SWT1: variants seen among roughly 807,000 people sequenced by gnomAD.
The protein encoded by SWT1 is transcriptional protein SWT1.
SWT1 carries 33 observed loss-of-function variants against 107.3 expected under a neutral mutation model. The observed-to-expected ratio is 0.31, with a 90% CI of 0.23 to 0.41. The LOEUF is 0.41. Ranked by LOEUF, SWT1 falls within the 10% of genes least tolerant of loss-of-function variation. SWT1 has a pLI of 1.00. For synonymous variants in SWT1, 345 were observed against 348.3 expected (o/e 0.99, Z 0.11); for missense variants, 898 against 1,028.9 (o/e 0.87, Z 1.74).
chr1:185,234,702 A>C (rs2102583479), intron 16 of SWT1, among the ~76,000 whole-genome samples: 1 of 152,278 alleles, frequency 6.6e-6, no homozygotes, highest in East Asian at 1.9e-4. Context: ...GTTTCTTCAT[A>C]GTGTCGATGG....
At chr1:185,171,615 C>T (rs1018568520) in intron 4 of SWT1, 9 of 513,886 alleles carry the variant, frequency 1.8e-5, no homozygotes, top group South Asian at 7.4e-5. Flanking sequence ...ATCCATGATC[C>T]GTCTTCTATG....
intron 10 of SWT1, among the ~76,000 whole-genome samples, chr1:185,199,943 CT>C (rs1657727036): frequency 6.6e-6 from 1 of 151,998 alleles, no homozygotes; most frequent in Non-Finnish European, 1.5e-5. Flanking sequence ...TTGTTTGTTC[CT>C]TTTTATTCTT....
At chr1:185,262,053 C>G (rs549238264) in intron 16 of SWT1, among the ~76,000 whole-genome samples, 9 of 152,038 alleles carry the variant, frequency 5.9e-5, no homozygotes, top group African/African-American at 2.2e-4. Flanking sequence ...TTCAGTTGCT[C>G]CTTCCTTGTT....
rs1356369789 is a variant in SWT1, at chr1:185,202,789, G to T, written c.1659G>T (p.Gln553His). Residue 553 changes from glutamine to histidine, a missense_variant, in exon 11 of 19, where the codon CAG (glutamine) becomes CAT (histidine). Gln to His is a conservative substitution (Grantham distance 24). Transcript: ENST00000367500. ...VCHQPCIPKQ[Q>H]LKAETTPLKE... is the part of the protein sequence containing the mutation. ...ATCAGCCTTGTATTCCTAAGCAACA[G>T]TTGAAAGCAGGTAGTATTTTTACTA... The T allele has an allele frequency of 6.6e-7, 1 of 1,520,638 alleles. No individual in the cohort carries two copies. Among genetic ancestry groups the T allele is most frequent in the African/African-American group, 1.4e-5 (1 of 71,826 alleles). 94.2% of individuals were successfully genotyped at this position (1,520,638 alleles called of 1,614,324 possible).
intron 16 of SWT1, among the ~76,000 whole-genome samples, chr1:185,265,146 T>C (rs1166751460): frequency 6.6e-6 from 1 of 152,180 alleles, no homozygotes; most frequent in Non-Finnish European, 1.5e-5. Flanking sequence ...AATAGTTATA[T>C]GTAATTAGTA....
intron 16 of SWT1, among the ~76,000 whole-genome samples, chr1:185,246,965 T>C (rs1661659472): frequency 1.3e-5 from 2 of 152,166 alleles, no homozygotes; most frequent in Non-Finnish European, 2.9e-5. Flanking sequence ...AAGATCATTT[T>C]TCTTTACATT....
At chr1:185,219,219 C>T (rs1172214211) in intron 14 of SWT1, among the ~76,000 whole-genome samples, 1 of 152,152 alleles carries the variant, frequency 6.6e-6, no homozygotes, top group Non-Finnish European at 1.5e-5. Flanking sequence ...GAGCTCATAA[C>T]TTCATTCTAG....
At chr1:185,222,896 A>G (rs1659775779) in intron 15 of SWT1, among the ~76,000 whole-genome samples, 1 of 152,056 alleles carries the variant, frequency 6.6e-6, no homozygotes. Context: ...ATCTAATTGT[A>G]ACTTTGTACA....
intron 15 of SWT1, among the ~76,000 whole-genome samples, chr1:185,229,179 G>T (rs1335819489): frequency 6.6e-6 from 1 of 152,180 alleles, no homozygotes; most frequent in East Asian, 1.9e-4. Flanking sequence ...ACCGGTTTAG[G>T]TGTGTACTGT....
rs192328720 is a variant in SWT1, at chr1:185,191,650, T to C, written c.1523+1008T>C. Among the ~76,000 whole-genome samples the C allele has an allele frequency of 1.8e-3, 272 of 152,306 alleles. 1 individual carries two copies. Among genetic ancestry groups the C allele is most frequent in the Non-Finnish European group, 1.2e-3 (81 of 67,998 alleles). The stretch of plus-strand genomic sequence containing the variant: ...CTTTCTATCTATGAGTTTTAAATTA[T>C]ATTTTGATCTAGGACATATTACTTT... On this transcript the variant is annotated intron_variant, in intron 10 of 18. Coordinates refer to ENST00000367500, the MANE Select transcript of SWT1 (RefSeq NM_017673.7).
intron 12 of SWT1, among the ~76,000 whole-genome samples, chr1:185,206,143 G>A (rs1230979951): frequency 6.6e-6 from 1 of 152,058 alleles, no homozygotes; most frequent in African/African-American, 2.4e-5. Context: ...ATTTTTAGTA[G>A]CTATGGGGTT....
chr1:185,214,478 A>G (rs1659065742), intron 13 of SWT1, 29 bp from the exon 14 acceptor site: 2 of 1,562,676 alleles, frequency 1.3e-6, no homozygotes, highest in Non-Finnish European at 1.7e-6. Context: ...ATTCTTCCAT[A>G]TTTTTCTGTC....
Position 185,265,108 on chromosome 1 carries a change from C to T in SWT1, c.2442-6215C>T, listed in dbSNP as rs143372102. On this transcript the variant is annotated intron_variant, in intron 16 of 18. Transcript: ENST00000367500. ...TCAAATTTTAATTCTGAACTTTGTC[C>T]AAACTTTTATCAAAAGTTTTTATGT... Among the ~76,000 whole-genome samples the T allele has an allele frequency of 3.4e-4, 52 of 152,118 alleles. No individual in the cohort carries two copies. In the East Asian group the frequency reaches 9.1e-3, roughly 27 times the overall value.
At position 185,204,879 on chromosome 1, in the gene SWT1, C is replaced by CT. The variant is rs760752156; in HGVS notation, c.1833+17dup. On this transcript the variant is annotated intron_variant, in intron 12 of 18. Transcript: ENST00000367500. ...TTGGATGGAGGTGATTAGTTGAACT[C>CT]TATTAGTTGAAAATTTCTTTTTTAT... is the stretch of plus-strand genomic sequence containing the variant. The CT allele has an allele frequency of 6.7e-7, 1 of 1,486,844 alleles. No homozygotes were observed. Among genetic ancestry groups the CT allele is most frequent in the African/African-American group, 1.5e-5 (1 of 68,860 alleles). 92.1% of individuals were successfully genotyped at this position (1,486,844 alleles called of 1,614,324 possible).
chr1:185,160,043 TG>T (rs1654007943), intron 1 of SWT1, among the ~76,000 whole-genome samples: 1 of 152,230 alleles, frequency 6.6e-6, no homozygotes, highest in Non-Finnish European at 1.5e-5. Flanking sequence ...TTACATCCAT[TG>T]TTTCAGTACC....
At chr1:185,218,224 G>A (rs1017659149) in intron 14 of SWT1, among the ~76,000 whole-genome samples, 1 of 152,182 alleles carries the variant, frequency 6.6e-6, no homozygotes, top group Admixed American at 6.5e-5. Context: ...AATTTATTAA[G>A]TGTAGAAAAT....
rs539081449 is a variant in SWT1, at chr1:185,215,574, A to G, written c.2121+919A>G. Among the ~76,000 whole-genome samples, 47 of 152,150 alleles carry G rather than the reference A, an allele frequency of 3.1e-4. No individual in the cohort carries two copies. In the South Asian group the frequency reaches 9.7e-3, roughly 32 times the overall value. ...AGTAATACAGACTTATTTTTTTGAC[A>G]CAGGGTTTTACTCTGTCACCCTGGC... On this transcript the variant is annotated intron_variant, in intron 14 of 18. Coordinates refer to ENST00000367500, the MANE Select transcript of SWT1 (RefSeq NM_017673.7).
intron 16 of SWT1, among the ~76,000 whole-genome samples, chr1:185,232,385 A>G (rs1571571292): frequency 6.6e-6 from 1 of 152,222 alleles, no homozygotes; most frequent in Non-Finnish European, 1.5e-5. Context: ...ACTTGACAGT[A>G]TATTTTCTAC....
chr1:185,290,717 T>C lies in SWT1; in HGVS notation c.2617T>C (p.Tyr873His), dbSNP rs373566232. The C allele has an allele frequency of 1.9e-6, 3 of 1,604,610 alleles. No homozygotes were observed. The highest frequency in any genetic ancestry group is 2.6e-6 in the Non-Finnish European group (3 of 1,174,214). Residue 873 changes from tyrosine (Y) to histidine (H), a missense_variant, in exon 19 of 19, where the codon TAT (tyrosine) becomes CAT (histidine). By Grantham distance (83) the Tyr-to-His change is moderately conservative (BLOSUM62 2). Coordinates refer to ENST00000367500, the MANE Select transcript of SWT1 (RefSeq NM_017673.7). ...IGCRQLVEME[Y>H]TMQQCNASVY... is the part of the protein sequence containing the mutation. ...ATGCCGCCAGCTGGTTGAGATGGAA[T>C]ATACCATGCAGCAGTGCAATGCATC...
Sources: allele counts gnomAD v4.1 joint callset (sites outside exome capture counted in the v4.1 genomes callset), GRCh38; gene constraint gnomAD v4.1.1; transcripts MANE v1.5; gene names NCBI Gene and HGNC (gene_info 2026-07-23, HGNC 2026-07-21).